The following LIN7A variants were observed in gnomAD, a reference collection of about 807,000 sequenced individuals.
LIN7A encodes the protein lin-7 cell polarity scaffold A.
LIN7A carries 25 observed loss-of-function variants against 29.8 expected under a neutral mutation model. The ratio of observed to expected loss-of-function variants is 0.84; its 90% confidence interval spans 0.61 to 1.17. The LOEUF (loss-of-function observed/expected upper bound fraction) is 1.17, where lower values mean the gene tolerates loss of function less well. Among genes scored for constraint, LIN7A ranks in the 50% most tolerant of loss-of-function variants. The pLI is 0.00. For synonymous variants in LIN7A, 118 were observed against 107.5 expected (o/e 1.10, Z -0.60); for missense variants, 239 against 287.0 (o/e 0.83, Z 1.21).
chr12:80,857,017 T>C (rs1873635078), intron 2 of LIN7A, among the ~76,000 whole-genome samples: 1 of 152,164 alleles, frequency 6.6e-6, no homozygotes, highest in African/African-American at 2.4e-5. Flanking sequence ...GTGTGGTTGA[T>C]CAGCATGCAG....
intron 2 of LIN7A, among the ~76,000 whole-genome samples, chr12:80,876,849 C>T (rs979946111): frequency 2.6e-5 from 4 of 152,178 alleles, no homozygotes; most frequent in Non-Finnish European, 4.4e-5. Context: ...TGGCCGGGCG[C>T]GGTGGCTCAT....
intron 2 of LIN7A, among the ~76,000 whole-genome samples, chr12:80,878,118 T>C (rs1038670207): frequency 1.3e-5 from 2 of 152,178 alleles, no homozygotes; most frequent in African/African-American, 4.8e-5. Context: ...TACCCAATAA[T>C]GACACTAACA....
At chr12:80,876,604 A>T (rs1874714553) in intron 2 of LIN7A, among the ~76,000 whole-genome samples, 1 of 152,214 alleles carries the variant, frequency 6.6e-6, no homozygotes, top group African/African-American at 2.4e-5. Context: ...TCACAGAAAA[A>T]GAAACACATA....
chr12:80,801,860 A>T (rs896838937), intron 5 of LIN7A, among the ~76,000 whole-genome samples: 1 of 150,914 alleles, frequency 6.6e-6, no homozygotes, highest in Non-Finnish European at 1.5e-5. Context: ...TCTACCTCTG[A>T]TAATCACTAT....
intron 4 of LIN7A, among the ~76,000 whole-genome samples, chr12:80,836,815 G>A (rs2121531823): frequency 6.6e-6 from 1 of 151,938 alleles, no homozygotes; most frequent in South Asian, 2.1e-4. Context: ...CGTGTTCTTT[G>A]TGAATTTTCC....
chr12:80,933,746 C>T (rs1473626122), intron 1 of LIN7A, among the ~76,000 whole-genome samples: 1 of 152,080 alleles, frequency 6.6e-6, no homozygotes, highest in African/African-American at 2.4e-5. Context: ...GCAACTTTGC[C>T]TCCTCACTTT....
chr12:80,926,674 A>G (rs1032157934), intron 1 of LIN7A, among the ~76,000 whole-genome samples: 6 of 152,206 alleles, frequency 3.9e-5, no homozygotes, highest in African/African-American at 1.4e-4. Flanking sequence ...AATATTTGAC[A>G]ATCCCAGCAC....
At chr12:80,851,799 C>T (rs1474566425) in intron 2 of LIN7A, among the ~76,000 whole-genome samples, 2 of 152,032 alleles carry the variant, frequency 1.3e-5, no homozygotes, top group African/African-American at 2.4e-5. Flanking sequence ...GGTTTAGTTC[C>T]TAGTGTAAGC....
intron 1 of LIN7A, among the ~76,000 whole-genome samples, chr12:80,908,439 A>G (rs1876593289): frequency 6.6e-6 from 1 of 152,024 alleles, no homozygotes; most frequent in African/African-American, 2.4e-5. Context: ...ACATTTTAAC[A>G]TATATAATTA....
At chr12:80,834,527 A>G (rs1872524238) in intron 4 of LIN7A, among the ~76,000 whole-genome samples, 1 of 152,306 alleles carries the variant, frequency 6.6e-6, no homozygotes, top group East Asian at 1.9e-4. Context: ...AAGAAACCCA[A>G]GTAGGAAAGG....
At chr12:80,842,951 G>A (rs1019959778) in intron 4 of LIN7A, among the ~76,000 whole-genome samples, 11 of 148,216 alleles carry the variant, frequency 7.4e-5, no homozygotes. Flanking sequence ...AACCAGTCTA[G>A]GGTAGTTAGC....
At chr12:80,930,447 G>C (rs1420101120) in intron 1 of LIN7A, among the ~76,000 whole-genome samples, 1 of 152,100 alleles carries the variant, frequency 6.6e-6, no homozygotes, top group Non-Finnish European at 1.5e-5. Context: ...GTAGTGCAGA[G>C]TGAGTTCAAG....
At chr12:80,860,194 G>A (rs1846338066) in intron 2 of LIN7A, among the ~76,000 whole-genome samples, 1 of 152,036 alleles carries the variant, frequency 6.6e-6, no homozygotes, top group Admixed American at 6.5e-5. Flanking sequence ...GATAGATATT[G>A]GTATATTACC....
intron 1 of LIN7A, among the ~76,000 whole-genome samples, chr12:80,911,423 C>T (rs1876743487): frequency 6.6e-6 from 1 of 151,686 alleles, no homozygotes; most frequent in Non-Finnish European, 1.5e-5. Context: ...CTTGGAAATG[C>T]AAGCTTGGAG....
At chr12:80,813,293 A>C (rs555638155) in intron 4 of LIN7A, among the ~76,000 whole-genome samples, 1 of 152,162 alleles carries the variant, frequency 6.6e-6, no homozygotes, top group African/African-American at 2.4e-5. Flanking sequence ...TTACAGGCGT[A>C]AGCCACCGTG....
intron 1 of LIN7A, among the ~76,000 whole-genome samples, chr12:80,917,757 T>G (rs2120850385): frequency 6.6e-6 from 1 of 152,318 alleles, no homozygotes; most frequent in Admixed American, 6.5e-5. Context: ...TGTCGAGATC[T>G]CTCCACTCTT....
intron 1 of LIN7A, among the ~76,000 whole-genome samples, chr12:80,932,569 A>T (rs926389991): frequency 6.6e-6 from 1 of 152,256 alleles, no homozygotes; most frequent in African/African-American, 2.4e-5. Context: ...TAAGGAAAGT[A>T]TTAGAAATGT....
intron 2 of LIN7A, among the ~76,000 whole-genome samples, chr12:80,863,308 T>C (rs2120426778): frequency 6.6e-6 from 1 of 152,342 alleles, no homozygotes; most frequent in Non-Finnish European, 1.5e-5. Flanking sequence ...AGATAATTGA[T>C]ATAGAGGCAG....
At chr12:80,866,866 A>G (rs1592908667) in intron 2 of LIN7A, among the ~76,000 whole-genome samples, 1 of 152,300 alleles carries the variant, frequency 6.6e-6, no homozygotes, top group South Asian at 2.1e-4. Flanking sequence ...TGTTCTCCTC[A>G]CCATCCTCCA....
Sources: allele counts gnomAD v4.1 joint callset (sites outside exome capture counted in the v4.1 genomes callset), GRCh38; gene constraint gnomAD v4.1.1; transcripts MANE v1.5; gene names NCBI Gene and HGNC (gene_info 2026-07-23, HGNC 2026-07-21).